JAML: variants seen among roughly 807,000 people sequenced by gnomAD.
The protein encoded by JAML is junction adhesion molecule like.
Under a neutral mutation model 39.3 loss-of-function variants are expected in JAML, and 25 were observed. That is an observed-to-expected ratio of 0.64 (90% CI 0.46 to 0.89). The LOEUF (loss-of-function observed/expected upper bound fraction) is 0.89, where lower values mean the gene tolerates loss of function less well. Ranked by LOEUF, JAML falls within the 40% of genes least tolerant of loss-of-function variation. The pLI, the probability that JAML is intolerant of heterozygous loss-of-function variation, is 0.00. For missense variants in JAML, 440 were observed against 486.9 expected (o/e 0.90, Z 0.91); for synonymous variants, 162 against 179.2 (o/e 0.90, Z 0.77).
intron 7 of JAML, 36 bp from the exon 8 acceptor site, chr11:118,198,127 G>A (rs539256388): frequency 2.9e-5 from 46 of 1,566,742 alleles, no homozygotes; most frequent in East Asian, 4.5e-5. Flanking sequence ...ATTAACCAGC[G>A]GGCATGGTTT....
In JAML at chr11:118,210,663, C is replaced by A. The variant is rs767380721; in HGVS notation, c.248G>T (p.Arg83Leu). Residue 83 changes from arginine to leucine, a missense_variant, in exon 4 of 10, where the codon CGC becomes CTC. Coordinates refer to ENST00000356289, the MANE Select transcript of JAML (RefSeq NM_001098526.2). ...CATCAAGTGTACGCGGTTCTGGAAGCGCCCAATAGGCACACTGAGATTGGA... is the reference window on the plus strand; with the variant it reads ...CATCAAGTGTACGCGGTTCTGGAAGAGCCCAATAGGCACACTGAGATTGGA... ...YYSNLSVPIG[R>L]FQNRVHLMGD... 24 of 1,614,046 alleles carry A rather than the reference C, an allele frequency of 1.5e-5. No individual in the cohort carries two copies. Among genetic ancestry groups the A allele is most frequent in the Non-Finnish European group, 1.9e-5 (23 of 1,180,032 alleles).
At position 118,222,224 on chromosome 11, in the gene JAML, T is replaced by A. The variant is rs1949216989; in HGVS notation, c.-21+2717A>T. On this transcript the variant is annotated intron_variant, in intron 1 of 9. Coordinates refer to ENST00000356289, the MANE Select transcript of JAML (RefSeq NM_001098526.2). This position sits in a 1 kb window ranked among gnomAD's most constrained non-coding sequence, Gnocchi z 4.2. Reference sequence around the variant, plus strand: ...TGAGCCCAGGAGTTTGAGACCAGCCTGAGCAACTTGGTGAAACACCATCTG... The same window carrying A: ...TGAGCCCAGGAGTTTGAGACCAGCCAGAGCAACTTGGTGAAACACCATCTG... Among the ~76,000 whole-genome samples the A allele has an allele frequency of 6.6e-6, 1 of 151,946 alleles. No homozygotes were observed. Among genetic ancestry groups the A allele is most frequent in the South Asian group, 2.1e-4 (1 of 4,820 alleles).
At chr11:118,210,150 T>C (rs1368053311) in intron 4 of JAML, among the ~76,000 whole-genome samples, 2 of 152,214 alleles carry the variant, frequency 1.3e-5, no homozygotes, top group African/African-American at 4.8e-5. Flanking sequence ...ACATGGACTT[T>C]GTTGTCAGAG....
chr11:118,203,038 G>T (rs542747046), intron 6 of JAML: 2 of 462,374 alleles, frequency 4.3e-6, no homozygotes, highest in Admixed American at 4.7e-5. Context: ...ATCATTTCCC[G>T]CTCCACTCTA....
chr11:118,203,411 A>C lies in JAML; in HGVS notation c.772+17T>G. On this transcript the variant is annotated intron_variant, in intron 6 of 9. Transcript: ENST00000356289. ...GCCAGGAGGTCCCTCAATGCTCCCC[A>C]GCCAAATGTTAGATACTTCGAGGCT... 1 of 1,609,600 alleles carries C rather than the reference A, an allele frequency of 6.2e-7. No individual in the cohort carries two copies. The highest frequency in any genetic ancestry group is 8.5e-7 in the Non-Finnish European group (1 of 1,176,242).
chr11:118,220,698 G>A (rs1205711761), intron 1 of JAML, among the ~76,000 whole-genome samples: 1 of 152,246 alleles, frequency 6.6e-6, no homozygotes, highest in Non-Finnish European at 1.5e-5. Context: ...GGCTGATTTA[G>A]AAGCCCTCAG....
In JAML at chr11:118,212,421, C is replaced by T. The variant is rs115863471; in HGVS notation, c.184G>A (p.Gly62Arg). The change falls in exon 3 of 10, where the codon GGA becomes AGA. Residue 62 changes from glycine to arginine, a missense_variant. Transcript: ENST00000356289. ...IFKIDWTLSPGEHAKDEYVLY... is the reference protein window; with the variant it reads ...IFKIDWTLSPREHAKDEYVLY... ...CCCCGCGTTACCTTGGCGTGCTCTC[C>T]TGGTGACAGAGTCCAGTCTATCTTG... 4.0e-4 allele frequency: 648 copies of T among 1,614,078 alleles called. 2 individuals carry two copies. The African/African-American group carries it at 7.9e-3, about 20-fold the overall frequency.
chr11:118,207,604 G>A (rs1006449271), intron 4 of JAML, among the ~76,000 whole-genome samples: 1 of 152,178 alleles, frequency 6.6e-6, no homozygotes, highest in Non-Finnish European at 1.5e-5. Context: ...ATCAACTGAA[G>A]GGTAAACTTT....
At chr11:118,205,832 T>C (rs141652681) in intron 5 of JAML, 50 bp downstream of exon 5, 265 of 1,535,466 alleles carry the variant, frequency 1.7e-4, no homozygotes, top group Admixed American at 3.7e-4. Flanking sequence ...TTTGTCCTGA[T>C]ACCATCAGCC....
chr11:118,219,411 G>A (rs1159887004), intron 1 of JAML, among the ~76,000 whole-genome samples: 1 of 152,160 alleles, frequency 6.6e-6, no homozygotes, highest in Admixed American at 6.5e-5. Context: ...TCCCAGCTGG[G>A]GAGGACCCAG....
At chr11:118,223,055 A>T (rs1456943546) in intron 1 of JAML, among the ~76,000 whole-genome samples, 1 of 144,754 alleles carries the variant, frequency 6.9e-6, no homozygotes, top group Non-Finnish European at 1.5e-5. Flanking sequence ...AGATTGTGCC[A>T]CTGCATGCCA....
chr11:118,217,590 T>C lies in JAML; in HGVS notation c.-20-2704A>G, dbSNP rs1174149497. Among the ~76,000 whole-genome samples the C allele has an allele frequency of 2.6e-5, 4 of 152,226 alleles. 1 individual carries two copies. In the South Asian group the frequency reaches 8.3e-4, roughly 31 times the overall value. ...TTGGGAAAATCACCGGGCCTTGTTTTCAATATTAAAAGATCAGACCTTTTT... is the reference window on the plus strand; with the variant it reads ...TTGGGAAAATCACCGGGCCTTGTTTCCAATATTAAAAGATCAGACCTTTTT... On this transcript the variant is annotated intron_variant, in intron 1 of 9. Coordinates refer to ENST00000356289, the MANE Select transcript of JAML (RefSeq NM_001098526.2).
At chr11:118,218,696 C>T (rs1362153173) in intron 1 of JAML, among the ~76,000 whole-genome samples, 1 of 152,138 alleles carries the variant, frequency 6.6e-6, no homozygotes, top group Non-Finnish European at 1.5e-5. Context: ...TTTGCAAATT[C>T]CTATCTATAT....
chr11:118,203,715 G>C, intron 5 of JAML, 50 bp from the exon 6 acceptor site: 1 of 1,490,830 alleles, frequency 6.7e-7, no homozygotes, highest in Non-Finnish European at 9.4e-7. Flanking sequence ...GGAGTGGAGC[G>C]GGGAGCAGAG....
chr11:118,203,871 G>C (rs1948865559), intron 5 of JAML: 1 of 545,388 alleles, frequency 1.8e-6, no homozygotes, highest in East Asian at 2.9e-5. Flanking sequence ...ACAAAACCAT[G>C]AACAGTTTTT....
In JAML at chr11:118,200,440, C is replaced by G. The variant is rs1182659348; in HGVS notation, c.911+34G>C. The G allele has an allele frequency of 2.5e-6, 4 of 1,611,658 alleles. No homozygotes were observed. The East Asian group carries it at 8.9e-5, about 36-fold the overall frequency. On this transcript the variant is annotated intron_variant, in intron 7 of 9. Transcript: ENST00000356289. ...GGTAGAGGCAGCCTTGCACCCCCAG[C>G]CTCCCAATCCAAGGGGTGGGGGTAG...
chr11:118,197,925 T>C (rs530463753), intron 8 of JAML, 73 bp downstream of exon 8: 2 of 1,370,878 alleles, frequency 1.5e-6, no homozygotes, highest in South Asian at 2.3e-5. Context: ...ATGGGTAAGA[T>C]ATGGTTCCCG....
intron 4 of JAML, 71 bp downstream of exon 4, chr11:118,210,416 A>G (rs1051286041): frequency 1.4e-6 from 2 of 1,472,206 alleles, no homozygotes; most frequent in East Asian, 4.5e-5. Flanking sequence ...ACTCAAGATA[A>G]TCAGTTTCCT....
chr11:118,213,051 G>C, intron 2 of JAML: 1 of 1,592,536 alleles, frequency 6.3e-7, no homozygotes, highest in Non-Finnish European at 8.5e-7. Flanking sequence ...GATTCTGGCT[G>C]TAGGGCAGGT....
Sources: allele counts gnomAD v4.1 joint callset (sites outside exome capture counted in the v4.1 genomes callset), GRCh38; gene constraint gnomAD v4.1.1; non-coding constraint Gnocchi (gnomAD v3.1); transcripts MANE v1.5; gene names NCBI Gene and HGNC (gene_info 2026-07-23, HGNC 2026-07-21).